The following NUP98 variants were observed in gnomAD, a reference collection of about 807,000 sequenced individuals.
NUP98 encodes the protein nuclear pore complex protein Nup98-Nup96.
NUP98 carries 26 observed loss-of-function variants against 191.9 expected under a neutral mutation model. That is an observed-to-expected ratio of 0.14 (90% CI 0.10 to 0.19). The LOEUF is 0.19. Among genes scored for constraint, NUP98 ranks in the 10% least tolerant of loss-of-function variants. NUP98 has a pLI of 1.00. For synonymous variants in NUP98, 808 were observed against 778.4 expected, an observed-to-expected ratio of 1.04 and a Z score of -0.63; for missense variants, 1,941 against 2,178.8, an observed-to-expected ratio of 0.89 and a Z score of 2.17.
rs2078556167 is a variant in NUP98 at position 3,697,796 on chromosome 11, TA to T, written c.4009+1285del. ...GTTCCACTGCACTCCAGCAGTCTGG[TA>T]AACACACAGACAGACTCTGTCTTAA... On this transcript the variant is annotated intron_variant, in intron 25 of 32. Coordinates refer to ENST00000324932, the MANE Select transcript of NUP98 (RefSeq NM_016320.5). Among the ~76,000 whole-genome samples the T allele has an allele frequency of 3.3e-5, 4 of 120,162 alleles. No individual in the cohort carries two copies. In the South Asian group the frequency reaches 7.7e-4, roughly 23 times the overall value. 78.8% of individuals were successfully genotyped at this position (120,162 alleles called of 152,430 possible). A position where few individuals can be genotyped will look rare whatever the true frequency, so the allele number is the denominator to read the frequency against.
intron 14 of NUP98, among the ~76,000 whole-genome samples, chr11:3,729,269 G>A (rs2079739878): frequency 6.6e-6 from 1 of 151,958 alleles, no homozygotes; most frequent in Non-Finnish European, 1.5e-5. Context: ...TACAGACGGT[G>A]GAATGAAGAG....
At chr11:3,765,272 G>A (rs1442541904) in intron 8 of NUP98, among the ~76,000 whole-genome samples, 3 of 152,150 alleles carry the variant, frequency 2.0e-5, no homozygotes, top group Non-Finnish European at 2.9e-5. Flanking sequence ...CACGATCATA[G>A]TGCACCACAG....
At chr11:3,690,866 G>A (rs949878847) in intron 28 of NUP98, among the ~76,000 whole-genome samples, 1 of 151,788 alleles carries the variant, frequency 6.6e-6, no homozygotes, top group Non-Finnish European at 1.5e-5. Flanking sequence ...ACTAACTTTT[G>A]ATACATATAA....
intron 28 of NUP98, 65 bp from the exon 29 acceptor site, chr11:3,686,259 T>C (rs1296911938): frequency 7.1e-7 from 1 of 1,414,392 alleles, no homozygotes; most frequent in African/African-American, 1.4e-5. Flanking sequence ...ATATGTCAAC[T>C]GTTCTGCTTA....
intron 8 of NUP98, among the ~76,000 whole-genome samples, chr11:3,764,491 C>G (rs2081274435): frequency 6.6e-6 from 1 of 152,202 alleles, no homozygotes; most frequent in South Asian, 2.1e-4. Flanking sequence ...CTCTGTTTAA[C>G]ATTTTGAGGA....
intron 19 of NUP98, 30 bp downstream of exon 19, chr11:3,713,787 TA>T (rs760863646): frequency 3.2e-6 from 5 of 1,586,420 alleles, no homozygotes; most frequent in Non-Finnish European, 4.3e-6. Flanking sequence ...ATATAGTTTA[TA>T]AAAGTCTGAA....
At chr11:3,784,606 C>A (rs562647471) in intron 1 of NUP98, among the ~76,000 whole-genome samples, 78 of 93,462 alleles carry the variant, frequency 8.3e-4, no homozygotes, top group East Asian at 2.6e-3. Context: ...CAAAAAAAAA[C>A]AAAAAACATG....
intron 24 of NUP98, among the ~76,000 whole-genome samples, chr11:3,699,653 T>C (rs184483216): frequency 3.5e-4 from 53 of 152,374 alleles, no homozygotes; most frequent in African/African-American, 1.3e-3. Context: ...ATATCTACTT[T>C]GATCAAATTC....
intron 10 of NUP98, among the ~76,000 whole-genome samples, chr11:3,754,805 G>C (rs998212821): frequency 2.6e-5 from 4 of 151,938 alleles, no homozygotes; most frequent in African/African-American, 9.7e-5. Context: ...AGCTGGGTGT[G>C]GTGGTGCACA....
At chr11:3,750,384 C>A (rs147733768) in intron 11 of NUP98, among the ~76,000 whole-genome samples, 1 of 152,172 alleles carries the variant, frequency 6.6e-6, no homozygotes, top group Non-Finnish European at 1.5e-5. Flanking sequence ...GCATGAGCCA[C>A]CTCATCCAGC....
intron 28 of NUP98, among the ~76,000 whole-genome samples, chr11:3,688,432 A>G (rs1276566763): frequency 6.6e-6 from 1 of 151,656 alleles, no homozygotes; most frequent in Non-Finnish European, 1.5e-5. Context: ...AATAAAATAA[A>G]TAAATAAAAA....
chr11:3,758,659 C>T (rs1394613720), intron 10 of NUP98, among the ~76,000 whole-genome samples: 1 of 152,130 alleles, frequency 6.6e-6, no homozygotes, highest in African/African-American at 2.4e-5. Flanking sequence ...GTGGCAGGCG[C>T]CTGTAATCCC....
rs1589935833 is a variant in NUP98, at chr11:3,675,034, A to C, written c.*1125T>G. Reference sequence around the variant, plus strand: ...ATACCAGGAATGCTATAAACATTTTATTTATTTTTTAAGAAAGTAGCTTCA... The same window carrying C: ...ATACCAGGAATGCTATAAACATTTTCTTTATTTTTTAAGAAAGTAGCTTCA... On this transcript the variant is annotated 3_prime_UTR_variant, in exon 33 of 33. Coordinates refer to ENST00000324932, the MANE Select transcript of NUP98 (RefSeq NM_016320.5). 2.3e-5 allele frequency: 4 copies of C among 172,166 alleles called. No homozygotes were observed. In the East Asian group the frequency reaches 4.3e-4, roughly 19 times the overall value. 10.7% of individuals were successfully genotyped at this position (172,166 alleles called of 1,614,324 possible). A position where few individuals can be genotyped will look rare whatever the true frequency, so the allele number is the denominator to read the frequency against.
intron 1 of NUP98, among the ~76,000 whole-genome samples, chr11:3,788,331 G>A (rs7947454): frequency 9.9e-5 from 15 of 152,174 alleles, no homozygotes; most frequent in African/African-American, 3.1e-4. Context: ...GGCTAGGCGC[G>A]GTGGCTCACA....
intron 18 of NUP98, among the ~76,000 whole-genome samples, chr11:3,717,988 G>A (rs1440691431): frequency 6.6e-6 from 1 of 152,094 alleles, no homozygotes; most frequent in Non-Finnish European, 1.5e-5. Flanking sequence ...CTAGGGCTCT[G>A]TTGATGACTT....
intron 11 of NUP98, among the ~76,000 whole-genome samples, chr11:3,747,260 A>G (rs1337477557): frequency 1.3e-5 from 2 of 152,222 alleles, no homozygotes; most frequent in Non-Finnish European, 2.9e-5. Context: ...GAAAAAATTG[A>G]AAATGGTTAT....
intron 12 of NUP98, 44 bp downstream of exon 12, chr11:3,744,465 T>C (rs1199598812): frequency 1.9e-6 from 3 of 1,566,498 alleles, no homozygotes; most frequent in Non-Finnish European, 1.7e-6. Flanking sequence ...CAGCAAGTAT[T>C]AGCAAAAAAT....
chr11:3,683,951 T>C (rs926799657), intron 29 of NUP98, among the ~76,000 whole-genome samples: 1 of 152,120 alleles, frequency 6.6e-6, no homozygotes, highest in Non-Finnish European at 1.5e-5. Flanking sequence ...CTCACGCCTG[T>C]AATCCCAGCA....
In NUP98 at chr11:3,756,826, G is replaced by A. The variant is rs1161669742; in HGVS notation, c.1175-3418C>T. ...TTGTCGGCTGGGCGCAGTGGCTCAC[G>A]CCTGTAATCCCAACCTTTTGGGAGG... is the stretch of plus-strand genomic sequence containing the variant. On this transcript the variant is annotated intron_variant, in intron 10 of 32. Transcript: ENST00000324932. Among the ~76,000 whole-genome samples the A allele has an allele frequency of 2.0e-5, 3 of 151,870 alleles. 1 individual carries two copies. The highest frequency in any genetic ancestry group is 2.0e-4 in the Admixed American group (3 of 15,238).
Sources: gnomAD v4.1 joint callset for allele counts (sites outside exome capture counted in the v4.1 genomes callset) on GRCh38, gnomAD v4.1.1 for gene constraint, MANE v1.5 for transcripts, NCBI Gene and HGNC (gene_info 2026-07-23, HGNC 2026-07-21) for gene names.